CCDC61: variants seen among roughly 807,000 people sequenced by gnomAD.
CCDC61 encodes the protein coiled-coil domain containing 61.
In CCDC61, 55 loss-of-function variants were observed where a neutral mutation model predicts 63.0. That is an observed-to-expected ratio of 0.87 (90% CI 0.70 to 1.09). CCDC61 has a LOEUF of 1.09. Ranked by LOEUF, CCDC61 falls within the 50% of genes least tolerant of loss-of-function variation. The probability of loss-of-function intolerance (pLI) is 0.00; values close to 1 mark genes in which losing one functional copy is unlikely to be tolerated. For missense variants in CCDC61, 651 were observed against 731.4 expected, an observed-to-expected ratio of 0.89 and a Z score of 1.27; for synonymous variants, 270 against 317.0, an observed-to-expected ratio of 0.85 and a Z score of 1.58.
intron 1 of CCDC61, among the ~76,000 whole-genome samples, chr19:45,999,813 C>T (rs1229703542): frequency 6.6e-6 from 1 of 151,970 alleles, no homozygotes; most frequent in South Asian, 2.1e-4. Flanking sequence ...TGTCATGAGG[C>T]CCGAGAAGTG....
intron 3 of CCDC61, among the ~76,000 whole-genome samples, chr19:46,004,744 C>T (rs115836209): frequency 0.042 from 6,287 of 151,344 alleles, 370 homozygotes; most frequent in East Asian, 0.19. Context: ...CAATTACAAG[C>T]GTGAGCCACC....
chr19:46,017,295 G>A lies in CCDC61; in HGVS notation c.1359G>A (p.Gly453=). The change falls in exon 12 of 14, where the codon GGG becomes GGA. Residue 453 remains glycine (G), a synonymous_variant. Coordinates refer to ENST00000595358, the MANE Select transcript of CCDC61 (RefSeq NM_001267723.2). Reference sequence around the variant, plus strand: ...CTCCCAGCCCAACGCCCTGGAGTGGGTCCAATATGGTGAGTAGAAGGGGCA... The same window carrying A: ...CTCCCAGCCCAACGCCCTGGAGTGGATCCAATATGGTGAGTAGAAGGGGCA... ...GKPPSPTPWS[G]SNMKSPPVER... 6.4e-7 allele frequency: 1 copy of A among 1,562,018 alleles called. No homozygotes were observed. The highest frequency in any genetic ancestry group is 8.7e-7 in the Non-Finnish European group (1 of 1,152,626).
chr19:46,018,474 C>A lies in CCDC61; in HGVS notation c.*87C>A. On this transcript the variant is annotated 3_prime_UTR_variant, in exon 14 of 14. Transcript: ENST00000595358. The surrounding 1 kb of genome is among the most constrained non-coding windows in gnomAD (Gnocchi z 4.2). ...GGGGCCAGGGTGGCCTCCAGCCCTG[C>A]CCAGTCCCTGCCCTGGCCCCGTCCC... The A allele has an allele frequency of 1.9e-6, 2 of 1,079,844 alleles. No individual in the cohort carries two copies. The highest frequency in any genetic ancestry group is 1.4e-6 in the Non-Finnish European group (1 of 733,720). 66.9% of individuals were successfully genotyped at this position (1,079,844 alleles called of 1,614,324 possible). A position where few individuals can be genotyped will look rare whatever the true frequency, so the allele number is the denominator to read the frequency against.
chr19:46,006,879 C>T (rs931738297), intron 4 of CCDC61, among the ~76,000 whole-genome samples, 163 bp downstream of exon 4: 2 of 152,200 alleles, frequency 1.3e-5, no homozygotes, highest in Non-Finnish European at 2.9e-5. Flanking sequence ...TTGTGTTTGG[C>T]TACAAGTAGC....
chr19:46,006,395 C>T (rs980114513), intron 3 of CCDC61, among the ~76,000 whole-genome samples, 164 bp from the exon 4 acceptor site: 8 of 152,226 alleles, frequency 5.3e-5, no homozygotes, highest in African/African-American at 1.9e-4. Flanking sequence ...TCGATGAAGT[C>T]CTTGTGTCTG....
chr19:46,009,829 T>C (rs1981772), intron 5 of CCDC61, among the ~76,000 whole-genome samples: 40,843 of 151,700 alleles, frequency 0.27, 5,752 homozygotes, highest in African/African-American at 0.33. Context: ...TGTGTGTGTG[T>C]GTGTGTGTGC....
chr19:46,000,008 G>A (rs909448500), intron 1 of CCDC61: 1 of 984,950 alleles, frequency 1.0e-6, no homozygotes. Context: ...AATGAAATCA[G>A]CCACCAGGAT....
intron 1 of CCDC61, among the ~76,000 whole-genome samples, chr19:45,997,907 G>A (rs1036639900): frequency 6.8e-6 from 1 of 146,318 alleles, no homozygotes; most frequent in Non-Finnish European, 1.5e-5. Context: ...GGCTGGTTTC[G>A]AACTCCTGAC....
Position 46,009,862 on chromosome 19 carries a change from G to T in CCDC61, c.551+1561G>T, listed in dbSNP as rs1009163198. On this transcript the variant is annotated intron_variant, in intron 5 of 13. Coordinates refer to ENST00000595358, the MANE Select transcript of CCDC61 (RefSeq NM_001267723.2). ...TGCGCGCGCGTTTGCTCTGTCTCAGGCTGTGTGTGTGTGTTTCTAGGTTTG... is the reference window on the plus strand; with the variant it reads ...TGCGCGCGCGTTTGCTCTGTCTCAGTCTGTGTGTGTGTGTTTCTAGGTTTG... Among the ~76,000 whole-genome samples the T allele has an allele frequency of 7.9e-5, 12 of 151,694 alleles. No homozygotes were observed. The East Asian group carries it at 2.3e-3, about 29-fold the overall frequency.
chr19:46,005,026 T>A lies in CCDC61; in HGVS notation c.231+1525T>A, dbSNP rs201876571. ...CTAATTTTTGTATTTATTTATTTAT[T>A]TTTTTTGAGATACTATCTGTGTAGC... On this transcript the variant is annotated intron_variant, in intron 3 of 13. Transcript: ENST00000595358. 2.8e-4 allele frequency among the ~76,000 whole-genome samples: 42 copies of A among 151,726 alleles called. 1 individual carries two copies. In the East Asian group the frequency reaches 4.5e-3, roughly 16 times the overall value.
chr19:46,016,281 T>C lies in CCDC61; in HGVS notation c.1016-37T>C, dbSNP rs1379115815. On this transcript the variant is annotated intron_variant, in intron 8 of 13. Coordinates refer to ENST00000595358, the MANE Select transcript of CCDC61 (RefSeq NM_001267723.2). This position sits in a 1 kb window ranked among gnomAD's most constrained non-coding sequence, Gnocchi z 7.2. Reference sequence around the variant, plus strand: ...CGCACTGGCGCTGCCAAGGCCCGTCTCCGGACCTAGCCGCCTCCTCTCCCA... The same window carrying C: ...CGCACTGGCGCTGCCAAGGCCCGTCCCCGGACCTAGCCGCCTCCTCTCCCA... The C allele has an allele frequency of 6.2e-7, 1 of 1,611,054 alleles. No individual in the cohort carries two copies. The highest frequency in any genetic ancestry group is 8.5e-7 in the Non-Finnish European group (1 of 1,178,410).
chr19:46,011,905 C>T (rs1568694077), intron 5 of CCDC61, among the ~76,000 whole-genome samples: 1 of 152,112 alleles, frequency 6.6e-6, no homozygotes, highest in South Asian at 2.1e-4. Flanking sequence ...TGGGTTCAAG[C>T]GATTCTCCTG....
Position 46,016,542 on chromosome 19 carries a change from C to A in CCDC61, c.1091+149C>A. 7.2e-7 allele frequency: 1 copy of A among 1,383,410 alleles called. No individual in the cohort carries two copies. The highest frequency in any genetic ancestry group is 1.3e-5 in the South Asian group (1 of 76,252). The allele number at this position is 1,383,410 out of a possible 1,614,324, so 85.7% of individuals were successfully genotyped here. A position where few individuals can be genotyped will look rare whatever the true frequency, so the allele number is the denominator to read the frequency against. ...CCGCCTGCTCTCCCTTCCGTCCGTC[C>A]TACCTCCTCGTCTGTGTTTCTGCGT... is the stretch of plus-strand genomic sequence containing the variant. On this transcript the variant is annotated intron_variant, in intron 9 of 13. Coordinates refer to ENST00000595358, the MANE Select transcript of CCDC61 (RefSeq NM_001267723.2). This position sits in a 1 kb window ranked among gnomAD's most constrained non-coding sequence, Gnocchi z 7.2.
intron 4 of CCDC61, among the ~76,000 whole-genome samples, chr19:46,007,135 C>T (rs1968727510): frequency 1.3e-5 from 2 of 151,688 alleles, no homozygotes; most frequent in African/African-American, 2.4e-5. Flanking sequence ...CGCAACCTCT[C>T]CCTCCCAGGT....
At chr19:45,999,022 A>G (rs1235789819) in intron 1 of CCDC61, among the ~76,000 whole-genome samples, 2 of 152,202 alleles carry the variant, frequency 1.3e-5, no homozygotes, top group Non-Finnish European at 2.9e-5. Context: ...TCTGTCTTTC[A>G]TGGTGGGATC....
intron 3 of CCDC61, among the ~76,000 whole-genome samples, chr19:46,005,983 T>G (rs1968701357): frequency 6.6e-6 from 1 of 152,184 alleles, no homozygotes; most frequent in African/African-American, 2.4e-5. Flanking sequence ...TTCAATAAAA[T>G]TAATAATTTT....
intron 5 of CCDC61, among the ~76,000 whole-genome samples, chr19:46,008,570 G>A (rs996022648): frequency 1.3e-5 from 2 of 152,248 alleles, no homozygotes; most frequent in East Asian, 1.9e-4. Flanking sequence ...CACCATGTCC[G>A]GCTAATTTTT....
In CCDC61 at chr19:46,015,487, T is replaced by G. The variant is rs1302262876; in HGVS notation, c.845+60T>G. On this transcript the variant is annotated intron_variant, in intron 7 of 13. Coordinates refer to ENST00000595358, the MANE Select transcript of CCDC61 (RefSeq NM_001267723.2). This position sits in a 1 kb window ranked among gnomAD's most constrained non-coding sequence, Gnocchi z 5.3. ...GGGCGGGCCCTGAGGGTGTGGAGGC[T>G]GATGAGGCGGAGCCTAAGGGGGCGG... 2 of 1,254,298 alleles carry G rather than the reference T, an allele frequency of 1.6e-6. No homozygotes were observed. The highest frequency in any genetic ancestry group is 5.0e-5 in the Admixed American group (2 of 40,078). 77.7% of individuals were successfully genotyped at this position (1,254,298 alleles called of 1,614,324 possible).
At chr19:46,012,831 CTCTTTTTGCACTTAA>C (rs1968853867) in intron 5 of CCDC61, among the ~76,000 whole-genome samples, 1 of 150,698 alleles carries the variant, frequency 6.6e-6, no homozygotes, top group Non-Finnish European at 1.5e-5. Flanking sequence ...TTAGTTGTAT[CTCTTTTTGCACTTAA>C]TTTAATTTTT....
Sources: gnomAD v4.1 joint callset for allele counts (sites outside exome capture counted in the v4.1 genomes callset) on GRCh38, gnomAD v4.1.1 for gene constraint, Gnocchi (gnomAD v3.1) non-coding constraint, MANE v1.5 for transcripts, NCBI Gene and HGNC (gene_info 2026-07-23, HGNC 2026-07-21) for gene names.